ADARB2: variants seen among roughly 807,000 people sequenced by gnomAD.
ADARB2 encodes inactive double-stranded RNA-specific editase B2.
Under a neutral mutation model 62.2 loss-of-function variants are expected in ADARB2, and 25 were observed. That is an observed-to-expected ratio of 0.40 (90% CI 0.29 to 0.56). The LOEUF is 0.56. ADARB2 is among the 20% of genes least tolerant of loss of function. The pLI is 0.43. For missense variants in ADARB2, 1,071 were observed against 1,077.4 expected (o/e 0.99, Z 0.08); for synonymous variants, 572 against 500.8 (o/e 1.14, Z -1.90).
intron 1 of ADARB2, among the ~76,000 whole-genome samples, chr10:1,480,279 G>A (rs1272467927): frequency 6.6e-6 from 1 of 152,234 alleles, no homozygotes; most frequent in Non-Finnish European, 1.5e-5. Context: ...GATATCATAT[G>A]TAGAAAAACT....
chr10:1,595,212 C>G (rs1833316448), intron 1 of ADARB2, among the ~76,000 whole-genome samples: 3 of 152,188 alleles, frequency 2.0e-5, no homozygotes, highest in Non-Finnish European at 4.4e-5. Context: ...TTGCAAGGCA[C>G]AGAAAAAGAT....
chr10:1,630,492 CA>C (rs1374229513), intron 1 of ADARB2, among the ~76,000 whole-genome samples: 1 of 152,112 alleles, frequency 6.6e-6, no homozygotes, highest in Non-Finnish European at 1.5e-5. Flanking sequence ...AGCCACGAGT[CA>C]TTTACATTTC....
intron 1 of ADARB2, among the ~76,000 whole-genome samples, chr10:1,612,178 A>G (rs1316737178): frequency 1.3e-5 from 2 of 152,240 alleles, no homozygotes; most frequent in East Asian, 3.9e-4. Flanking sequence ...AGAGAAATTC[A>G]GAAGAGGCTG....
chr10:1,712,149 A>G (rs559766614), intron 1 of ADARB2, among the ~76,000 whole-genome samples: 28 of 152,360 alleles, frequency 1.8e-4, no homozygotes, highest in African/African-American at 6.5e-4. Context: ...TAAAACAGAT[A>G]TTCTCAAATT....
chr10:1,636,896 ATATC>A (rs1833923404), intron 1 of ADARB2, among the ~76,000 whole-genome samples: 1 of 148,934 alleles, frequency 6.7e-6, no homozygotes, highest in Non-Finnish European at 1.5e-5. Flanking sequence ...ATTGATATAT[ATATC>A]TATTTCTATG....
intron 1 of ADARB2, among the ~76,000 whole-genome samples, chr10:1,393,370 G>A (rs903457234): frequency 1.4e-4 from 22 of 152,134 alleles, no homozygotes; most frequent in African/African-American, 3.6e-4. Context: ...CAAATAATCC[G>A]ATTATACTCA....
rs1761420147 is a variant in ADARB2, at chr10:1,704,466, T to C, written c.100+32585A>G. Among the ~76,000 whole-genome samples the C allele has an allele frequency of 6.6e-6, 1 of 152,132 alleles. No homozygotes were observed. Among genetic ancestry groups the C allele is most frequent in the South Asian group, 2.1e-4 (1 of 4,828 alleles). On this transcript the variant is annotated intron_variant, in intron 1 of 9. Transcript: ENST00000381312. The surrounding 1 kb of genome is among the most constrained non-coding windows in gnomAD (Gnocchi z 5.6). ...CAGTTAGCAATAGGATCCCCACTCCTATAGGAATCTAATGCCACTGTGACC... is the reference window on the plus strand; with the variant it reads ...CAGTTAGCAATAGGATCCCCACTCCCATAGGAATCTAATGCCACTGTGACC...
intron 3 of ADARB2, among the ~76,000 whole-genome samples, chr10:1,334,329 T>A (rs534809723): frequency 2.0e-5 from 3 of 152,354 alleles, no homozygotes; most frequent in African/African-American, 7.2e-5. Context: ...CCCTGCTTGC[T>A]GTGACTGTCA....
chr10:1,360,308 C>A (rs1246076570), intron 3 of ADARB2, among the ~76,000 whole-genome samples: 1 of 152,258 alleles, frequency 6.6e-6, no homozygotes, highest in Non-Finnish European at 1.5e-5. Context: ...CAGGAAAACG[C>A]ATGGCTTGTC....
intron 1 of ADARB2, among the ~76,000 whole-genome samples, chr10:1,504,465 C>G (rs963748066): frequency 6.8e-6 from 1 of 147,908 alleles, no homozygotes; most frequent in South Asian, 2.1e-4. Context: ...CGTGTGTACG[C>G]GGGCATTATG....
intron 5 of ADARB2, among the ~76,000 whole-genome samples, chr10:1,236,332 C>T (rs1234489516): frequency 1.7e-3 from 57 of 33,382 alleles, no homozygotes; most frequent in East Asian, 0.01. Context: ...CTCCCCTCTG[C>T]CTCCCGGTGT....
At chr10:1,268,843 C>G (rs896674453) in intron 4 of ADARB2, among the ~76,000 whole-genome samples, 5 of 152,140 alleles carry the variant, frequency 3.3e-5, no homozygotes, top group African/African-American at 1.2e-4. Flanking sequence ...GATAAATTGC[C>G]TACACATAAA....
intron 1 of ADARB2, among the ~76,000 whole-genome samples, chr10:1,437,255 C>CACACGCATATAT (rs1830843758): frequency 6.6e-6 from 1 of 151,766 alleles, no homozygotes; most frequent in Non-Finnish European, 1.5e-5. Context: ...TATATATACA[C>CACACGCATATAT]ACACACACAC....
chr10:1,384,674 AGC>A lies in ADARB2; in HGVS notation c.101-5516_101-5515del, dbSNP rs1268291303. ...AACTTCCCACCTGGAAGCTCTTTTC[AGC>A]AGTAGAAAAGTGGACCTGGAGAAGA... On this transcript the variant is annotated intron_variant, in intron 1 of 9. Coordinates refer to ENST00000381312, the MANE Select transcript of ADARB2 (RefSeq NM_018702.4). Among the ~76,000 whole-genome samples, 3 of 152,224 alleles carry A rather than the reference AGC, an allele frequency of 2.0e-5. No individual in the cohort carries two copies. In the East Asian group the frequency reaches 5.8e-4, roughly 29 times the overall value.
intron 3 of ADARB2, among the ~76,000 whole-genome samples, chr10:1,357,391 G>T (rs1003671663): frequency 6.6e-6 from 1 of 152,118 alleles, no homozygotes; most frequent in African/African-American, 2.4e-5. Flanking sequence ...GGTGGCTGCT[G>T]GAGTCTCCCT....
intron 1 of ADARB2, among the ~76,000 whole-genome samples, chr10:1,443,811 C>T (rs1830930130): frequency 2.0e-5 from 3 of 152,010 alleles, no homozygotes; most frequent in Non-Finnish European, 4.4e-5. Context: ...AAGGAAGACT[C>T]GAAGTCAGTA....
At chr10:1,219,041 C>T (rs1361823752) in intron 6 of ADARB2, among the ~76,000 whole-genome samples, 2 of 111,494 alleles carry the variant, frequency 1.8e-5, no homozygotes, top group South Asian at 6.8e-4. Context: ...CAGAGCAAGA[C>T]TACGTCTCAA....
At chr10:1,245,715 A>G (rs1420544350) in intron 4 of ADARB2, among the ~76,000 whole-genome samples, 1 of 152,058 alleles carries the variant, frequency 6.6e-6, no homozygotes, top group Admixed American at 6.6e-5. Flanking sequence ...TATGTGCCAC[A>G]TTTTCTGAAA....
intron 1 of ADARB2, among the ~76,000 whole-genome samples, chr10:1,708,909 C>T (rs753315998): frequency 1.3e-5 from 2 of 152,152 alleles, no homozygotes; most frequent in Non-Finnish European, 2.9e-5. Context: ...GGGCTGAGGG[C>T]ATGGGTGGAA....
Sources: gnomAD v4.1 joint callset for allele counts (sites outside exome capture counted in the v4.1 genomes callset) on GRCh38, gnomAD v4.1.1 for gene constraint, Gnocchi (gnomAD v3.1) non-coding constraint, MANE v1.5 for transcripts, NCBI Gene and HGNC (gene_info 2026-07-23, HGNC 2026-07-21) for gene names.